ITIH5: variants seen among roughly 807,000 people sequenced by gnomAD.
ITIH5 encodes inter-alpha-trypsin inhibitor heavy chain H5.
In ITIH5, 65 loss-of-function variants were observed where a neutral mutation model predicts 77.5. That is an observed-to-expected ratio of 0.84 (90% CI 0.69 to 1.03). The LOEUF is 1.03. ITIH5 is among the 50% of genes least tolerant of loss of function. ITIH5 has a pLI of 0.00. For synonymous variants in ITIH5, 525 were observed against 494.3 expected (o/e 1.06, Z -0.82); for missense variants, 1,208 against 1,213.1 (o/e 1.00, Z 0.06).
chr10:7,598,973 C>T (rs932529739), intron 7 of ITIH5, among the ~76,000 whole-genome samples: 1 of 152,178 alleles, frequency 6.6e-6, no homozygotes, highest in Non-Finnish European at 1.5e-5. Context: ...TAACCCTCTG[C>T]TTATGTTAAG....
chr10:7,659,171 G>C (rs1834236181), intron 1 of ITIH5, among the ~76,000 whole-genome samples: 1 of 152,098 alleles, frequency 6.6e-6, no homozygotes, highest in South Asian at 2.1e-4. Context: ...GAGGTCAAGA[G>C]TTCGAAACCA....
At position 7,576,745 on chromosome 10, in the gene ITIH5, A is replaced by G; in HGVS notation, c.1686T>C (p.Pro562=). The change falls in exon 10 of 14, where the codon CCT becomes CCC. Residue 562 remains proline, a synonymous_variant. Coordinates refer to ENST00000397146, the MANE Select transcript of ITIH5 (RefSeq NM_030569.7). ...TGGTGTCCCCCTCTCCATCGCCTCC[A>G]GGCCTGGGGCTTCCTGTGACATCTT... The part of the protein sequence containing the change: ...AGKDVTGSPR[P]GGDGEGDTNH... 1 of 1,613,812 alleles carries G rather than the reference A, an allele frequency of 6.2e-7. No individual in the cohort carries two copies. The highest frequency in any genetic ancestry group is 8.5e-7 in the Non-Finnish European group (1 of 1,179,942).
intron 1 of ITIH5, among the ~76,000 whole-genome samples, chr10:7,658,230 A>G (rs1175029178): frequency 6.6e-6 from 1 of 152,208 alleles, no homozygotes; most frequent in African/African-American, 2.4e-5. Context: ...TCTTAACAAA[A>G]TGCAGATATT....
At chr10:7,606,611 A>G (rs1833131106) in intron 7 of ITIH5, among the ~76,000 whole-genome samples, 1 of 152,178 alleles carries the variant, frequency 6.6e-6, no homozygotes, top group Non-Finnish European at 1.5e-5. Flanking sequence ...GGTGAGGGTC[A>G]AAAAACTACT....
Position 7,642,055 on chromosome 10 carries a change from C to G in ITIH5, c.171G>C (p.Lys57Asn). Reference sequence around the variant, plus strand: ...AGGCATAACGGGAAATGATGGTAGACTTCACTGAGAATTCTGTCATCAAAG... The same window carrying G: ...AGGCATAACGGGAAATGATGGTAGAGTTCACTGAGAATTCTGTCATCAAAG... Reference protein sequence around the residue: ...TKPLMTEFSVKSTIISRYAFT... With the variant: ...TKPLMTEFSVNSTIISRYAFT... Residue 57 changes from lysine to asparagine, a missense_variant, in exon 3 of 14, where the codon AAG becomes AAC. Coordinates refer to ENST00000397146, the MANE Select transcript of ITIH5 (RefSeq NM_030569.7). The G allele has an allele frequency of 6.2e-7, 1 of 1,614,044 alleles. No individual in the cohort carries two copies. Among genetic ancestry groups the G allele is most frequent in the Non-Finnish European group, 8.5e-7 (1 of 1,179,940 alleles).
At chr10:7,568,512 C>T (rs1337579368) in intron 12 of ITIH5, among the ~76,000 whole-genome samples, 6 of 152,142 alleles carry the variant, frequency 3.9e-5, no homozygotes, top group African/African-American at 7.2e-5. Flanking sequence ...CTCCTGAGCC[C>T]TTTGAAATAA....
At chr10:7,597,348 G>A (rs990820412) in intron 7 of ITIH5, among the ~76,000 whole-genome samples, 6 of 152,054 alleles carry the variant, frequency 3.9e-5, no homozygotes, top group East Asian at 1.9e-4. Context: ...GTATGGCCCC[G>A]TCATCACGCC....
chr10:7,622,728 A>G (rs1356028925), intron 5 of ITIH5, among the ~76,000 whole-genome samples: 1 of 152,224 alleles, frequency 6.6e-6, no homozygotes. Context: ...AAAAAGAATA[A>G]TCTTTACAAA....
At chr10:7,644,772 T>TATATATCAC (rs1833970426) in intron 2 of ITIH5, among the ~76,000 whole-genome samples, 2 of 141,992 alleles carry the variant, frequency 1.4e-5, no homozygotes, top group African/African-American at 5.3e-5. Flanking sequence ...ATATATATCA[T>TATATATCAC]ATATATCACA....
At chr10:7,576,305 T>G in intron 10 of ITIH5, 148 bp downstream of exon 10, 140 of 726,790 alleles carry the variant, frequency 1.9e-4, no homozygotes, top group Middle Eastern at 7.8e-4. Flanking sequence ...ATTACAGGTG[T>G]GAGCTACTAT....
chr10:7,569,821 A>C, intron 11 of ITIH5, 37 bp from the exon 12 acceptor site: 1 of 1,314,762 alleles, frequency 7.6e-7, no homozygotes, highest in South Asian at 1.4e-5. Flanking sequence ...AAAAAGAAAG[A>C]CACTTATTCA....
chr10:7,562,043 A>T lies in ITIH5; in HGVS notation c.*1040T>A, dbSNP rs1037523990. 6.6e-6 allele frequency: 1 copy of T among 151,898 alleles called. No individual in the cohort carries two copies. The highest frequency in any genetic ancestry group is 2.1e-4 in the South Asian group (1 of 4,804). 9.4% of individuals were successfully genotyped at this position (151,898 alleles called of 1,614,324 possible). The stretch of plus-strand genomic sequence containing the variant: ...GAGCTGGTTTCCTGACTTTTTTTCT[A>T]TCTGACATGAGGGAAGCTGGAAGTC... On this transcript the variant is annotated 3_prime_UTR_variant, in exon 14 of 14. Transcript: ENST00000397146.
chr10:7,600,500 T>A (rs1832992659), intron 7 of ITIH5: 1 of 456,662 alleles, frequency 2.2e-6, no homozygotes, highest in Non-Finnish European at 4.4e-6. Flanking sequence ...ATGAGCCCGG[T>A]CTCTCCTCCT....
intron 7 of ITIH5, among the ~76,000 whole-genome samples, chr10:7,589,125 C>A (rs1344132933): frequency 6.6e-6 from 1 of 152,198 alleles, no homozygotes; most frequent in Non-Finnish European, 1.5e-5. Context: ...TCATTTCTGG[C>A]ATCAACTAAT....
chr10:7,634,998 T>C (rs1013951922), intron 5 of ITIH5, among the ~76,000 whole-genome samples: 8 of 152,224 alleles, frequency 5.3e-5, no homozygotes, highest in Non-Finnish European at 1.0e-4. Flanking sequence ...AAGTTCTTAC[T>C]ATGTTGTCCA....
chr10:7,572,375 G>T (rs1554747944), intron 11 of ITIH5: 9 of 1,366,968 alleles, frequency 6.6e-6, no homozygotes, highest in Admixed American at 3.8e-5. Context: ...GAAAAAATCT[G>T]TTCTTCCCTT....
intron 2 of ITIH5, among the ~76,000 whole-genome samples, chr10:7,644,512 T>TATATATCACATATATATA: frequency 2.0e-5 from 1 of 48,894 alleles, no homozygotes; most frequent in Non-Finnish European, 3.9e-5. Flanking sequence ...ATATATATGA[T>TATATATCACATATATATA]ATATATCACA....
At chr10:7,648,927 T>C (rs1158115053) in intron 2 of ITIH5, among the ~76,000 whole-genome samples, 1 of 152,178 alleles carries the variant, frequency 6.6e-6, no homozygotes, top group Non-Finnish European at 1.5e-5. Flanking sequence ...TTCAAGAAAC[T>C]ATTTTAGTTT....
chr10:7,627,241 C>T (rs1833596157), intron 5 of ITIH5, among the ~76,000 whole-genome samples: 1 of 148,618 alleles, frequency 6.7e-6, no homozygotes, highest in Non-Finnish European at 1.5e-5. Context: ...CACCATGGCA[C>T]ATGTATACCT....
Sources: allele counts gnomAD v4.1 joint callset (sites outside exome capture counted in the v4.1 genomes callset), GRCh38; gene constraint gnomAD v4.1.1; transcripts MANE v1.5; gene names NCBI Gene and HGNC (gene_info 2026-07-23, HGNC 2026-07-21).